The following ANO1 variants were observed in gnomAD, a reference collection of about 807,000 sequenced individuals.
The protein encoded by ANO1 is anoctamin 1, also known as anoctamin-1.
A neutral mutation model predicts 124.0 loss-of-function variants in ANO1; 59 were observed. The ratio of observed to expected loss-of-function variants is 0.48; its 90% CI spans 0.39 to 0.59. ANO1 has a LOEUF of 0.59. Among genes scored for constraint, ANO1 ranks in the 20% least tolerant of loss-of-function variants. The probability of loss-of-function intolerance (pLI) is 0.00; values close to 1 mark genes in which losing one functional copy is unlikely to be tolerated. For missense variants in ANO1, 1,059 were observed against 1,328.0 expected, an observed-to-expected ratio of 0.80 and a Z score of 3.15; for synonymous variants, 529 against 532.0, an observed-to-expected ratio of 0.99 and a Z score of 0.08.
At chr11:70,112,680 C>T (rs1413753633) in intron 7 of ANO1, among the ~76,000 whole-genome samples, 9 of 151,888 alleles carry the variant, frequency 5.9e-5, no homozygotes, top group Admixed American at 5.9e-4. Flanking sequence ...GCCTCAGCCT[C>T]CCAAGTAGCT....
At chr11:70,032,330 C>G (rs1173842480) in intron 1 of ANO1, among the ~76,000 whole-genome samples, 1 of 152,086 alleles carries the variant, frequency 6.6e-6, no homozygotes, top group Non-Finnish European at 1.5e-5. Flanking sequence ...GAAAAGAGAC[C>G]CCAGTGATGG....
rs752001462 is a variant in ANO1, at chr11:70,149,668, C to G, written c.1259-42C>G. ...TCTGTCTAAAAAAAAAAAAAAAATGCCTTTATGTCATCAGAGACTCTGGTT... is the reference window on the plus strand; with the variant it reads ...TCTGTCTAAAAAAAAAAAAAAAATGGCTTTATGTCATCAGAGACTCTGGTT... On this transcript the variant is annotated intron_variant, in intron 11 of 25. Coordinates refer to ENST00000355303, the MANE Select transcript of ANO1 (RefSeq NM_018043.7). 6.4e-6 allele frequency: 10 copies of G among 1,559,046 alleles called. No individual in the cohort carries two copies. In the African/African-American group the frequency reaches 1.2e-4, roughly 19 times the overall value.
Position 70,104,063 on chromosome 11 carries a change from C to G in ANO1, c.605C>G (p.Thr202Arg). 6.2e-7 allele frequency: 1 copy of G among 1,612,794 alleles called. No individual in the cohort carries two copies. Among genetic ancestry groups the G allele is most frequent in the Non-Finnish European group, 8.5e-7 (1 of 1,179,474 alleles). ...KKINSVLQKI[T>R]DPIQPKVAEH... ...ATCAACTCTGTGCTCCAGAAAATCA[C>G]AGATCCCATCCAGCCCAAAGTGGCT... The change falls in exon 4 of 26, where the codon ACA becomes AGA. Residue 202 changes from threonine to arginine, a missense_variant. Transcript: ENST00000355303.
chr11:69,985,206 C>G (rs1304388690), upstream of ANO1, among the ~76,000 whole-genome samples: 1 of 152,336 alleles, frequency 6.6e-6, no homozygotes, highest in East Asian at 1.9e-4. Flanking sequence ...GGATGCACCC[C>G]CGGGTCCAGT....
intron 22 of ANO1, among the ~76,000 whole-genome samples, chr11:70,171,370 T>C (rs1424542015): frequency 7.7e-6 from 1 of 129,802 alleles, no homozygotes; most frequent in Admixed American, 7.7e-5. Flanking sequence ...GACACCCACC[T>C]GTAGCAATTG....
At chr11:70,012,982 A>AT (rs1239055898) in intron 1 of ANO1, among the ~76,000 whole-genome samples, 1 of 152,200 alleles carries the variant, frequency 6.6e-6, no homozygotes, top group African/African-American at 2.4e-5. Flanking sequence ...TATTTCATTT[A>AT]TTTCCAACTG....
chr11:69,990,918 T>C (rs1856141264), intron 1 of ANO1, among the ~76,000 whole-genome samples: 1 of 152,238 alleles, frequency 6.6e-6, no homozygotes. Flanking sequence ...GTAGGTTGTC[T>C]TTTCACTTTC....
chr11:70,112,947 A>C (rs1366410291), intron 7 of ANO1, among the ~76,000 whole-genome samples: 1 of 152,184 alleles, frequency 6.6e-6, no homozygotes, highest in Non-Finnish European at 1.5e-5. Flanking sequence ...TGTATTCTCC[A>C]GACGGTTGAC....
At chr11:69,972,890 T>C in the ANO1 span, among the ~76,000 whole-genome samples, 1 of 150,722 alleles carries the variant, frequency 6.6e-6, no homozygotes, top group Admixed American at 6.8e-5. Context: ...TGGCATTTTT[T>C]TTTCTTTTTA....
chr11:70,129,004 T>C (rs1171381680), intron 10 of ANO1, among the ~76,000 whole-genome samples: 3 of 152,218 alleles, frequency 2.0e-5, no homozygotes, highest in African/African-American at 7.2e-5. Flanking sequence ...GGCCACATGC[T>C]GGCGATGATG....
chr11:70,152,469 A>G lies in ANO1; in HGVS notation c.1353+8A>G, dbSNP rs759327462. The stretch of plus-strand genomic sequence containing the variant: ...CTGAAGGAGGCTGTCAAGGTTTGGA[A>G]CTTTTTGTCGCTCCTCTATCTTCCC... On this transcript the variant is annotated splice_region_variant and intron_variant, in intron 13 of 25. Coordinates refer to ENST00000355303, the MANE Select transcript of ANO1 (RefSeq NM_018043.7). 6.2e-7 allele frequency: 1 copy of G among 1,612,652 alleles called. No individual in the cohort carries two copies. Among genetic ancestry groups the G allele is most frequent in the South Asian group, 1.1e-5 (1 of 90,788 alleles).
At chr11:70,036,836 T>C (rs1857102305) in intron 1 of ANO1, among the ~76,000 whole-genome samples, 3 of 152,182 alleles carry the variant, frequency 2.0e-5, no homozygotes, top group African/African-American at 7.2e-5. Flanking sequence ...CTCAATCTCC[T>C]GACCTCGTGA....
intron 1 of ANO1, among the ~76,000 whole-genome samples, chr11:70,032,658 G>A (rs545841209): frequency 6.6e-6 from 1 of 152,166 alleles, no homozygotes; most frequent in East Asian, 1.9e-4. Flanking sequence ...CCCCCGGACT[G>A]TGGCTTCTGC....
chr11:70,111,919 C>T (rs188749608), intron 7 of ANO1, among the ~76,000 whole-genome samples, 157 bp downstream of exon 7: 3 of 152,350 alleles, frequency 2.0e-5, no homozygotes, highest in East Asian at 1.9e-4. Flanking sequence ...CCCTGTTCCC[C>T]GGGTGGGGGC....
At chr11:70,186,400 A>AGGAAGGAAGGAAGAC (rs1405874430) in intron 25 of ANO1, among the ~76,000 whole-genome samples, 21 of 150,654 alleles carry the variant, frequency 1.4e-4, no homozygotes, top group Non-Finnish European at 2.2e-4. Flanking sequence ...GGAAGGAAGA[A>AGGAAGGAAGGAAGAC]AGACATGGAG....
At chr11:70,016,756 T>TG (rs2134985693) in intron 1 of ANO1, among the ~76,000 whole-genome samples, 1 of 152,324 alleles carries the variant, frequency 6.6e-6, no homozygotes, top group African/African-American at 2.4e-5. Flanking sequence ...AGTAGGGCTG[T>TG]GGGGCTCACC....
chr11:70,052,265 G>T (rs1473192649), intron 1 of ANO1, among the ~76,000 whole-genome samples: 1 of 152,190 alleles, frequency 6.6e-6, no homozygotes, highest in Non-Finnish European at 1.5e-5. Context: ...TAGAATCTCT[G>T]CTTTGATCCA....
intron 1 of ANO1, among the ~76,000 whole-genome samples, chr11:69,995,296 A>G (rs186083520): frequency 6.4e-4 from 97 of 151,948 alleles, no homozygotes; most frequent in Middle Eastern, 3.4e-3. Flanking sequence ...ATGGGCTTTC[A>G]CCATGTTGGC....
chr11:70,116,507 G>T lies in ANO1; in HGVS notation c.897+8G>T, dbSNP rs539071245. The T allele has an allele frequency of 1.3e-6, 2 of 1,589,248 alleles. No homozygotes were observed. The highest frequency in any genetic ancestry group is 1.7e-4 in the Middle Eastern group (1 of 5,954). On this transcript the variant is annotated splice_region_variant and intron_variant, in intron 8 of 25. Coordinates refer to ENST00000355303, the MANE Select transcript of ANO1 (RefSeq NM_018043.7). ...GAGTTCAACGACAGAAAAGTAAGTT[G>T]ATGGAGCGGAGCAGGAGGTGGCTCT...
Sources: allele counts gnomAD v4.1 joint callset (sites outside exome capture counted in the v4.1 genomes callset), GRCh38; gene constraint gnomAD v4.1.1; transcripts MANE v1.5; gene names NCBI Gene and HGNC (gene_info 2026-07-23, HGNC 2026-07-21).